STK3: variants seen among roughly 807,000 people sequenced by gnomAD.
STK3 encodes serine/threonine-protein kinase 3.
STK3 carries 41 observed loss-of-function variants against 58.0 expected under a neutral mutation model. The observed-to-expected ratio is 0.71, with a 90% CI of 0.55 to 0.92. The LOEUF (loss-of-function observed/expected upper bound fraction) is 0.92. Among genes scored for constraint, STK3 ranks in the 40% least tolerant of loss-of-function variants. The pLI is 0.00. For missense variants in STK3, 479 were observed against 602.7 expected (o/e 0.79, Z 2.15); for synonymous variants, 170 against 191.0 (o/e 0.89, Z 0.91).
intron 1 of STK3, among the ~76,000 whole-genome samples, chr8:98,784,069 A>G (rs1007457204): frequency 1.7e-4 from 26 of 152,308 alleles, no homozygotes; most frequent in Admixed American, 1.2e-3. Context: ...GTCAAGAAAG[A>G]GCACTTTGTT....
At chr8:98,476,184 T>C (rs1295016645) in intron 10 of STK3, among the ~76,000 whole-genome samples, 1 of 152,210 alleles carries the variant, frequency 6.6e-6, no homozygotes, top group African/African-American at 2.4e-5. Flanking sequence ...TCCTCTGTTT[T>C]ATCCAGATAA....
At position 98,548,071 on chromosome 8, in the gene STK3, C is replaced by A. The variant is rs1810863969; in HGVS notation, c.1039G>T (p.Ala347Ser). ...CTATTATGTTCAATCATGGTCTGGG[C>A]CCCTTCACTCATCGTGCTTGTGGCC... ...MRATSTMSEGAQTMIEHNSTM... is the reference protein window; with the variant it reads ...MRATSTMSEGSQTMIEHNSTM... The change falls in exon 9 of 11, where the codon GCC becomes TCC. Residue 347 changes from alanine to serine, a missense_variant. Transcript: ENST00000419617. 3 of 1,610,050 alleles carry A rather than the reference C, an allele frequency of 1.9e-6. No individual in the cohort carries two copies. Among genetic ancestry groups the A allele is most frequent in the Admixed American group, 3.4e-5 (2 of 59,426 alleles).
chr8:98,429,029 T>G lies in STK3; in HGVS notation n.483+5098A>C, dbSNP rs746391617. ...TCTTCTCCGTGGTGGCCTACACCAT[T>G]GAAAAGGAGGAGAACGAGGGCCTGG... On this transcript the variant is annotated intron_variant and non_coding_transcript_variant, in intron 3 of 3. Coordinates refer to the STK3 transcript ENST00000517832. 17 of 1,613,670 alleles carry G rather than the reference T, an allele frequency of 1.1e-5. 1 individual carries two copies. The South Asian group carries it at 1.8e-4, about 17-fold the overall frequency.
chr8:98,885,582 G>C (rs1057414880), intron 1 of STK3, among the ~76,000 whole-genome samples: 1 of 152,182 alleles, frequency 6.6e-6, no homozygotes, highest in Admixed American at 6.5e-5. Flanking sequence ...TGGGATTACA[G>C]GCATGCGCCA....
rs939693234 is a variant in STK3 at position 98,542,106 on chromosome 8, T to C, written c.1141+5863A>G. Among the ~76,000 whole-genome samples, 5 of 152,124 alleles carry C rather than the reference T, an allele frequency of 3.3e-5. No homozygotes were observed. In the East Asian group the frequency reaches 7.7e-4, roughly 23 times the overall value. Reference sequence around the variant, plus strand: ...TATTTTATAGGATCCTTGTGAGGAGTAAATAAGATAACATATACAAAATCC... The same window carrying C: ...TATTTTATAGGATCCTTGTGAGGAGCAAATAAGATAACATATACAAAATCC... On this transcript the variant is annotated intron_variant, in intron 9 of 10. Transcript: ENST00000419617.
intron 6 of STK3, among the ~76,000 whole-genome samples, chr8:98,652,453 C>A (rs199520045): frequency 2.4e-4 from 36 of 151,988 alleles, no homozygotes; most frequent in East Asian, 9.7e-4. Context: ...CTAACATCAT[C>A]ATGACAGGAT....
chr8:98,494,654 CAAAAAAAAAAAAAAA>C (rs398008984), intron 10 of STK3, among the ~76,000 whole-genome samples: 1 of 40,458 alleles, frequency 2.5e-5, no homozygotes, highest in Non-Finnish European at 4.3e-5. Context: ...GACCCTGTCT[CAAAAAAAAAAAAAAA>C]AAAAAAAAAA....
chr8:98,795,796 A>AAATACAATAC (rs58299814), intron 1 of STK3, among the ~76,000 whole-genome samples: 1,676 of 138,030 alleles, frequency 0.012, 13 homozygotes, highest in East Asian at 0.016. Flanking sequence ...AATGGCCACA[A>AAATACAATAC]AATACAATAC....
upstream of STK3, among the ~76,000 whole-genome samples, chr8:98,392,700 G>C (rs1817859796): frequency 6.6e-6 from 1 of 152,134 alleles, no homozygotes; most frequent in South Asian, 2.1e-4. Flanking sequence ...CATGATACTG[G>C]TTTCTACTCC....
Position 98,455,564 on chromosome 8 carries a change from C to T in STK3, c.*278G>A, listed in dbSNP as rs963053849. On this transcript the variant is annotated 3_prime_UTR_variant, in exon 11 of 11. Transcript: ENST00000419617. ...GCTTTGGATTTTCAAGGTTTAGAGA[C>T]CTTGAAAATCCATTTCATAACAGTT... 2 of 416,092 alleles carry T rather than the reference C, an allele frequency of 4.8e-6. No homozygotes were observed. The highest frequency in any genetic ancestry group is 8.7e-6 in the Non-Finnish European group (2 of 230,762). 25.8% of individuals were successfully genotyped at this position (416,092 alleles called of 1,614,324 possible).
intron 8 of STK3, among the ~76,000 whole-genome samples, chr8:98,553,746 C>CTGA (rs1297412052): frequency 6.6e-6 from 1 of 152,092 alleles, no homozygotes; most frequent in Non-Finnish European, 1.5e-5. Flanking sequence ...GTTGGATCAC[C>CTGA]TGATGGCAGG....
rs544693759 is a variant in STK3, at chr8:98,727,934, G to A, written c.352-20623C>T. On this transcript the variant is annotated intron_variant, in intron 4 of 10. Transcript: ENST00000419617. Reference sequence around the variant, plus strand: ...CCTTTACAGAAAAATCAATGGTTTCGAGAAACTTGGTGAATATGTAGCAAT... The same window carrying A: ...CCTTTACAGAAAAATCAATGGTTTCAAGAAACTTGGTGAATATGTAGCAAT... Among the ~76,000 whole-genome samples the A allele has an allele frequency of 1.7e-4, 26 of 152,252 alleles. 1 individual carries two copies. In the East Asian group the frequency reaches 3.3e-3, roughly 19 times the overall value.
At chr8:98,392,056 C>G (rs1164482990), upstream of STK3, among the ~76,000 whole-genome samples, 1 of 152,166 alleles carries the variant, frequency 6.6e-6, no homozygotes, top group Non-Finnish European at 1.5e-5. Context: ...CTGTCTATCT[C>G]TCCTCTTATC....
At chr8:98,467,548 ATGTGTGTGTGTGTG>A (rs61136775) in intron 10 of STK3, among the ~76,000 whole-genome samples, 2 of 148,086 alleles carry the variant, frequency 1.4e-5, no homozygotes, top group Non-Finnish European at 3.0e-5. Context: ...TATTTAAAAA[ATGTGTGTGTGTGTG>A]TGTGTGTGTG....
upstream of STK3, among the ~76,000 whole-genome samples, chr8:98,392,362 C>T (rs1817856874): frequency 1.3e-5 from 2 of 152,122 alleles, no homozygotes; most frequent in Admixed American, 6.6e-5. Context: ...AAACAATACC[C>T]CATATTAGTG....
At position 98,476,517 on chromosome 8, in the gene STK3, A is replaced by G. The variant is rs1229536029; in HGVS notation, c.1318-20517T>C. ...AAGCAGGATTTTCATTCCAACAGAA[A>G]AAGGAAAAAAACTGATTCCAGGTGG... On this transcript the variant is annotated intron_variant, in intron 10 of 10. Coordinates refer to ENST00000419617, the MANE Select transcript of STK3 (RefSeq NM_006281.4). Among the ~76,000 whole-genome samples, 3 of 152,320 alleles carry G rather than the reference A, an allele frequency of 2.0e-5. No individual in the cohort carries two copies. In the East Asian group the frequency reaches 5.8e-4, roughly 29 times the overall value.
chr8:98,655,458 T>C (rs1446529007), intron 6 of STK3, among the ~76,000 whole-genome samples: 2 of 152,122 alleles, frequency 1.3e-5, no homozygotes, highest in Non-Finnish European at 1.5e-5. Context: ...CCAAAAGCAA[T>C]GGCAACGAAA....
At chr8:98,881,432 A>T (rs535292589), downstream of STK3, 6 of 152,334 alleles carry the variant, frequency 3.9e-5, no homozygotes, top group East Asian at 7.7e-4. Flanking sequence ...CTTCTGTCCG[A>T]TACTGTTGTG....
chr8:98,582,229 T>C lies in STK3; in HGVS notation c.823-2440A>G, dbSNP rs936030426. Among the ~76,000 whole-genome samples the C allele has an allele frequency of 4.6e-5, 7 of 152,214 alleles. No homozygotes were observed. The South Asian group carries it at 6.2e-4, about 14-fold the overall frequency. On this transcript the variant is annotated intron_variant, in intron 7 of 10. Transcript: ENST00000419617. The stretch of plus-strand genomic sequence containing the variant: ...TTTTTATTTTAGACACATTTAGAAA[T>C]AGGAAAACTTTACTGCCTATTAGAA...
Sources: allele counts gnomAD v4.1 joint callset (sites outside exome capture counted in the v4.1 genomes callset), GRCh38; gene constraint gnomAD v4.1.1; transcripts MANE v1.5; gene names NCBI Gene and HGNC (gene_info 2026-07-23, HGNC 2026-07-21).